Variants in ANKRD36 observed in about 807,000 individuals in gnomAD.
The protein encoded by ANKRD36 is ankyrin repeat domain-containing protein 36A.
In ANKRD36, 179 loss-of-function variants were observed where a neutral mutation model predicts 278.1. The observed-to-expected ratio is 0.64, with a 90% CI of 0.57 to 0.73. The LOEUF (loss-of-function observed/expected upper bound fraction) is 0.73. Among genes scored for constraint, ANKRD36 ranks in the 30% least tolerant of loss-of-function variants. ANKRD36 has a pLI of 0.00. For synonymous variants in ANKRD36, 320 were observed against 641.1 expected, an observed-to-expected ratio of 0.50 and a Z score of 7.57; for missense variants, 1,159 against 1,956.7, an observed-to-expected ratio of 0.59 and a Z score of 7.69.
rs1417609265 is a variant in ANKRD36 at position 97,215,315 on chromosome 2, C to A, written c.3586C>A (p.Gln1196Lys). ...QQSGTVSSQK[Q>K]PAWKATSVKK... ...TTGCTTTTCAGTGTCTTCTCAGAAA[C>A]AACCGGCCTGGAAGGTAATTAAACA... Residue 1196 changes from glutamine (Q) to lysine (K), a missense_variant, in exon 61 of 76, where the codon CAA becomes AAA. Coordinates refer to ENST00000420699, the MANE Select transcript of ANKRD36 (RefSeq NM_001354587.1). The A allele has an allele frequency of 1.3e-6, 2 of 1,580,124 alleles. No individual in the cohort carries two copies. The highest frequency in any genetic ancestry group is 1.7e-6 in the Non-Finnish European group (2 of 1,166,904).
chr2:97,142,592 T>C, intron 6 of ANKRD36, 48 bp from the exon 7 acceptor site: 1 of 1,605,060 alleles, frequency 6.2e-7, no homozygotes, highest in East Asian at 2.2e-5. Flanking sequence ...TATGGATAAT[T>C]TTATCATATT....
intron 6 of ANKRD36, among the ~76,000 whole-genome samples, chr2:97,130,871 T>C (rs2039964352): frequency 6.6e-6 from 1 of 152,134 alleles, no homozygotes; most frequent in Non-Finnish European, 1.5e-5. Context: ...GAGAATTAGC[T>C]ACCTGTTCTA....
chr2:97,220,557 C>T (rs796277372), intron 66 of ANKRD36, among the ~76,000 whole-genome samples: 48 of 151,162 alleles, frequency 3.2e-4, no homozygotes, highest in South Asian at 6.4e-4. Flanking sequence ...CATGTCATTG[C>T]GAATGAGAGG....
At chr2:97,194,990 G>A (rs1266502207) in intron 40 of ANKRD36, 73 bp downstream of exon 40, 7 of 1,522,102 alleles carry the variant, frequency 4.6e-6, no homozygotes, top group Non-Finnish European at 5.3e-6. Context: ...TAAATCAGTG[G>A]GGGGCTGGTC....
intron 44 of ANKRD36, among the ~76,000 whole-genome samples, chr2:97,199,025 A>C (rs1324799019): frequency 6.6e-6 from 1 of 151,916 alleles, no homozygotes; most frequent in Non-Finnish European, 1.5e-5. Flanking sequence ...CTGCCAAGAA[A>C]AGACAGAAAG....
intron 30 of ANKRD36, among the ~76,000 whole-genome samples, chr2:97,186,464 TTAG>T (rs1293698346): frequency 2.0e-5 from 3 of 150,612 alleles, no homozygotes; most frequent in African/African-American, 7.3e-5. Context: ...GCAGTTTTAT[TTAG>T]TAGAAGTATG....
chr2:97,255,062 A>AT (rs1284398902), intron 75 of ANKRD36, among the ~76,000 whole-genome samples: 6 of 70,720 alleles, frequency 8.5e-5, no homozygotes, highest in African/African-American at 2.9e-4. Context: ...ACAAGCATGA[A>AT]TTTTTTTTTC....
chr2:97,178,715 T>C (rs1238961747), intron 22 of ANKRD36, among the ~76,000 whole-genome samples: 2 of 150,190 alleles, frequency 1.3e-5, no homozygotes, highest in Non-Finnish European at 3.0e-5. Context: ...CATTGGGAGA[T>C]ATACCTAATG....
At chr2:97,204,951 G>A (rs977650842) in intron 50 of ANKRD36, among the ~76,000 whole-genome samples, 2 of 151,402 alleles carry the variant, frequency 1.3e-5, no homozygotes, top group South Asian at 2.1e-4. Context: ...AGATACACGT[G>A]TTGTTGATTT....
At chr2:97,186,580 C>A (rs1174140879) in intron 30 of ANKRD36, among the ~76,000 whole-genome samples, 1 of 151,350 alleles carries the variant, frequency 6.6e-6, no homozygotes, top group African/African-American at 2.4e-5. Context: ...CTAGAGAATA[C>A]AGGAAACTTA....
chr2:97,172,471 T>C (rs2052871945), intron 22 of ANKRD36, among the ~76,000 whole-genome samples: 1 of 151,966 alleles, frequency 6.6e-6, no homozygotes, highest in African/African-American at 2.4e-5. Flanking sequence ...TGATTTGTAC[T>C]ATATTAGAAA....
At chr2:97,129,653 G>A (rs1482648658) in intron 6 of ANKRD36, among the ~76,000 whole-genome samples, 5 of 152,138 alleles carry the variant, frequency 3.3e-5, no homozygotes, top group Middle Eastern at 3.4e-3. Flanking sequence ...TTTGTATAAG[G>A]TGTAAGGAAG....
chr2:97,201,633 T>G (rs1253241526), intron 46 of ANKRD36, among the ~76,000 whole-genome samples: 17 of 151,918 alleles, frequency 1.1e-4, no homozygotes, highest in African/African-American at 3.9e-4. Context: ...GGAGAGATAA[T>G]GAATATTATG....
chr2:97,199,438 T>G (rs1271643989), intron 44 of ANKRD36, among the ~76,000 whole-genome samples: 2 of 151,906 alleles, frequency 1.3e-5, no homozygotes, highest in Non-Finnish European at 2.9e-5. Flanking sequence ...AAATAGCTAT[T>G]TAATGACACT....
At chr2:97,199,670 G>A (rs941388682) in intron 44 of ANKRD36, among the ~76,000 whole-genome samples, 7 of 151,860 alleles carry the variant, frequency 4.6e-5, no homozygotes, top group African/African-American at 1.2e-4. Flanking sequence ...ATTATCCTTC[G>A]GTGCCAAGAG....
chr2:97,224,638 G>T (rs1393359982), intron 66 of ANKRD36, among the ~76,000 whole-genome samples, 168 bp from the exon 67 acceptor site: 1 of 151,968 alleles, frequency 6.6e-6, no homozygotes, highest in African/African-American at 2.4e-5. Flanking sequence ...TTTTAGTAGA[G>T]ACGAGGTTTC....
intron 4 of ANKRD36, among the ~76,000 whole-genome samples, chr2:97,123,208 C>A (rs994027531): frequency 1.3e-5 from 2 of 151,370 alleles, no homozygotes; most frequent in Admixed American, 6.6e-5. Context: ...TCGTCTCTCT[C>A]TATAGACATT....
intron 54 of ANKRD36, among the ~76,000 whole-genome samples, chr2:97,209,344 T>C (rs1167533224): frequency 6.8e-6 from 1 of 146,802 alleles, no homozygotes; most frequent in East Asian, 2.0e-4. Flanking sequence ...TGTTTTGACA[T>C]TGATTCTCAC....
At chr2:97,157,689 A>AT (rs1226410619) in intron 15 of ANKRD36, among the ~76,000 whole-genome samples, 1 of 144,892 alleles carries the variant, frequency 6.9e-6, no homozygotes, top group Non-Finnish European at 1.5e-5. Flanking sequence ...ACATTCTCAC[A>AT]TTTTTTCCCG....
Sources: gnomAD v4.1 joint callset for allele counts (sites outside exome capture counted in the v4.1 genomes callset) on GRCh38, gnomAD v4.1.1 for gene constraint, MANE v1.5 for transcripts, NCBI Gene and HGNC (gene_info 2026-07-23, HGNC 2026-07-21) for gene names.